The following STAT4 variants were observed in gnomAD, a reference collection of about 807,000 sequenced individuals.
STAT4 encodes signal transducer and activator of transcription 4.
Under a neutral mutation model 110.5 loss-of-function variants are expected in STAT4, and 42 were observed. That is an observed-to-expected ratio of 0.38 (90% CI 0.30 to 0.49). STAT4 has a LOEUF of 0.49. Among genes scored for constraint, STAT4 ranks in the 20% least tolerant of loss-of-function variants. The probability of loss-of-function intolerance (pLI) is 0.95; values close to 1 mark genes in which losing one functional copy is unlikely to be tolerated. For synonymous variants in STAT4, 284 were observed against 302.2 expected (o/e 0.94, Z 0.63); for missense variants, 632 against 887.9 (o/e 0.71, Z 3.66).
In STAT4 at chr2:191,110,978, G is replaced by T. The variant is rs1222380313; in HGVS notation, c.274-34653C>A. ...TTTCTGTATTTTTAGTAGAGACAAG[G>T]TTTCACCATGTTGCCCAGGCTGGTC... On this transcript the variant is annotated intron_variant, in intron 3 of 23. Coordinates refer to ENST00000392320, the MANE Select transcript of STAT4 (RefSeq NM_003151.4). The surrounding 1 kb of genome is among the most constrained non-coding windows in gnomAD (Gnocchi z 4.5). Among the ~76,000 whole-genome samples, 1 of 152,056 alleles carries T rather than the reference G, an allele frequency of 6.6e-6. No individual in the cohort carries two copies. The highest frequency in any genetic ancestry group is 1.5e-5 in the Non-Finnish European group (1 of 68,014).
intron 3 of STAT4, among the ~76,000 whole-genome samples, chr2:191,101,129 T>A (rs1344947682): frequency 1.3e-5 from 2 of 152,152 alleles, no homozygotes; most frequent in Non-Finnish European, 2.9e-5. Flanking sequence ...GTCAATTATA[T>A]TTTTCTCTGA....
intron 3 of STAT4, among the ~76,000 whole-genome samples, chr2:191,131,061 AC>A (rs1344199551): frequency 6.6e-6 from 1 of 151,822 alleles, no homozygotes; most frequent in South Asian, 2.1e-4. Flanking sequence ...ATGATCCATG[AC>A]CATAACAAGT....
rs1205627852 is a variant in STAT4, at chr2:191,058,106, C to T, written c.1118G>A (p.Arg373Gln). 1.2e-6 allele frequency: 2 copies of T among 1,613,770 alleles called. No homozygotes were observed. Among genetic ancestry groups the T allele is most frequent in the Non-Finnish European group, 1.7e-6 (2 of 1,179,912 alleles). The change falls in exon 13 of 24, where the codon CGA (arginine) becomes CAA (glutamine). Residue 373 changes from arginine to glutamine, a missense_variant. By Grantham distance (43) the Arg-to-Gln change is conservative. Around this residue, in one of 4 missense-constraint regions of STAT4, gnomAD observed 488 missense variants for 632.8 expected, o/e 0.77. Coordinates refer to ENST00000392320, the MANE Select transcript of STAT4 (RefSeq NM_003151.4). This position sits in a 1 kb window ranked among gnomAD's most constrained non-coding sequence, Gnocchi z 4.3. ...IDKNVSTLSNRRFVLCGTNVK... is the reference protein window; with the variant it reads ...IDKNVSTLSNQRFVLCGTNVK... Reference sequence around the variant, plus strand: ...ATTAGTTCCACAAAGTACAAATCTTCGGTTGCTGGAGAGGAAATCTTAGCT... The same window carrying T: ...ATTAGTTCCACAAAGTACAAATCTTTGGTTGCTGGAGAGGAAATCTTAGCT...
In STAT4 at chr2:191,069,681, AC is replaced by A; in HGVS notation, c.544+11del. On this transcript the variant is annotated intron_variant, in intron 6 of 23. Transcript: ENST00000392320. ...GTCTCTATGCATAATTATAGAAAAA[AC>A]AAAAACTTACCCATTGTCTGAATTG... 1 of 1,603,312 alleles carries A rather than the reference AC, an allele frequency of 6.2e-7. No homozygotes were observed. Among genetic ancestry groups the A allele is most frequent in the Non-Finnish European group, 8.5e-7 (1 of 1,175,606 alleles).
At position 191,077,525 on chromosome 2, in the gene STAT4, A is replaced by G. The variant is rs1559056550; in HGVS notation, c.274-1200T>C. ...TGGTGTGAATATATATGAAATGACCAAAAGGTTAGCAGCAGAAAAAATAAA... is the reference window on the plus strand; with the variant it reads ...TGGTGTGAATATATATGAAATGACCGAAAGGTTAGCAGCAGAAAAAATAAA... On this transcript the variant is annotated intron_variant, in intron 3 of 23. Transcript: ENST00000392320. The surrounding 1 kb of genome is among the most constrained non-coding windows in gnomAD (Gnocchi z 4.1). Among the ~76,000 whole-genome samples, 1 of 152,204 alleles carries G rather than the reference A, an allele frequency of 6.6e-6. No homozygotes were observed.
chr2:191,058,652 T>A lies in STAT4; in HGVS notation c.1094+58A>T. 9.8e-7 allele frequency: 1 copy of A among 1,024,768 alleles called. No individual in the cohort carries two copies. The highest frequency in any genetic ancestry group is 1.6e-5 in the African/African-American group (1 of 61,590). The allele number at this position is 1,024,768 out of a possible 1,614,324, so 63.5% of individuals were successfully genotyped here. On this transcript the variant is annotated intron_variant, in intron 11 of 23. Transcript: ENST00000392320. The surrounding 1 kb of genome is among the most constrained non-coding windows in gnomAD (Gnocchi z 4.3). ...AATTATTCTATAAAATAAAGGCCAT[T>A]CATTTTTAAAAGTCTTACATTTGGA...
chr2:191,058,314 T>C lies in STAT4; in HGVS notation c.1095-95A>G. 1 of 1,287,856 alleles carries C rather than the reference T, an allele frequency of 7.8e-7. No individual in the cohort carries two copies. The highest frequency in any genetic ancestry group is 1.4e-5 in the South Asian group (1 of 72,784). The allele number at this position is 1,287,856 out of a possible 1,614,324, so 79.8% of individuals were successfully genotyped here. On this transcript the variant is annotated intron_variant, in intron 11 of 23. Coordinates refer to ENST00000392320, the MANE Select transcript of STAT4 (RefSeq NM_003151.4). This position sits in a 1 kb window ranked among gnomAD's most constrained non-coding sequence, Gnocchi z 4.3. Reference sequence around the variant, plus strand: ...TATTTTATTTATTTATTTATTTATTTTGAGACAGAGTCTCGCTCTGTCGTC... The same window carrying C: ...TATTTTATTTATTTATTTATTTATTCTGAGACAGAGTCTCGCTCTGTCGTC...
At position 191,031,187 on chromosome 2, in the gene STAT4, C is replaced by T; in HGVS notation, c.2112-107G>A. On this transcript the variant is annotated intron_variant, in intron 22 of 23. Transcript: ENST00000392320. This position sits in a 1 kb window ranked among gnomAD's most constrained non-coding sequence, Gnocchi z 4.8. ...TTTCTAGGGCTTCATCTATTTGTGA[C>T]ATTGAGTTATCTAATTCATCATTTC... The T allele has an allele frequency of 8.5e-7, 1 of 1,169,932 alleles. No individual in the cohort carries two copies. Among genetic ancestry groups the T allele is most frequent in the Non-Finnish European group, 1.3e-6 (1 of 799,762 alleles). The allele number at this position is 1,169,932 out of a possible 1,614,324, so 72.5% of individuals were successfully genotyped here. A position where few individuals can be genotyped will look rare whatever the true frequency, so the allele number is the denominator to read the frequency against.
rs368682566 is a variant in STAT4, at chr2:191,061,335, G to T, written c.1034+394C>A. Among the ~76,000 whole-genome samples the T allele has an allele frequency of 3.9e-5, 6 of 152,144 alleles. No individual in the cohort carries two copies. Among genetic ancestry groups the T allele is most frequent in the African/African-American group, 1.4e-4 (6 of 41,522 alleles). ...GTCCCCAATCTGTCCTCTCAATTCT[G>T]TCTCTTCCCTGCTCCCCACGATTAC... On this transcript the variant is annotated intron_variant, in intron 10 of 23. Transcript: ENST00000392320. This position sits in a 1 kb window ranked among gnomAD's most constrained non-coding sequence, Gnocchi z 6.2.
At chr2:191,141,816 A>G (rs928208760) in intron 3 of STAT4, among the ~76,000 whole-genome samples, 2 of 151,820 alleles carry the variant, frequency 1.3e-5, no homozygotes, top group African/African-American at 2.4e-5. Flanking sequence ...TTGTTAGTAG[A>G]GACAGGGTTT....
At position 191,050,485 on chromosome 2, in the gene STAT4, T is replaced by A. The variant is rs1193928706; in HGVS notation, c.1251+4005A>T. The stretch of plus-strand genomic sequence containing the variant: ...TCCAAAGCAAATTCTTAAAGTTAAA[T>A]TCATTTTTAAAAATCTAAAGCTCCT... On this transcript the variant is annotated intron_variant, in intron 14 of 23. Transcript: ENST00000392320. This position sits in a 1 kb window ranked among gnomAD's most constrained non-coding sequence, Gnocchi z 4.3. 6.6e-6 allele frequency among the ~76,000 whole-genome samples: 1 copy of A among 152,220 alleles called. No homozygotes were observed. Among genetic ancestry groups the A allele is most frequent in the Non-Finnish European group, 1.5e-5 (1 of 68,032 alleles).
At chr2:191,097,711 C>A (rs190955331) in intron 3 of STAT4, among the ~76,000 whole-genome samples, 1 of 152,144 alleles carries the variant, frequency 6.6e-6, no homozygotes, top group Non-Finnish European at 1.5e-5. Context: ...TAGGCATGAG[C>A]AAGTACTTCA....
At position 191,030,862 on chromosome 2, in the gene STAT4, A is replaced by T; in HGVS notation, c.2220+110T>A. ...GTTATGCTCATGAATTTGTTCCAAT[A>T]AATGTGTTTTCTCCCTACCCAGGCA... On this transcript the variant is annotated intron_variant, in intron 23 of 23. Coordinates refer to ENST00000392320, the MANE Select transcript of STAT4 (RefSeq NM_003151.4). This position sits in a 1 kb window ranked among gnomAD's most constrained non-coding sequence, Gnocchi z 4.4. The T allele has an allele frequency of 1.1e-6, 1 of 949,494 alleles. No homozygotes were observed. The highest frequency in any genetic ancestry group is 1.7e-6 in the Non-Finnish European group (1 of 601,362). 58.8% of individuals were successfully genotyped at this position (949,494 alleles called of 1,614,324 possible).
rs1698399344 is a variant in STAT4, at chr2:191,110,664, A to T, written c.274-34339T>A. Among the ~76,000 whole-genome samples, 1 of 152,138 alleles carries T rather than the reference A, an allele frequency of 6.6e-6. No homozygotes were observed. The highest frequency in any genetic ancestry group is 1.9e-4 in the East Asian group (1 of 5,194). On this transcript the variant is annotated intron_variant, in intron 3 of 23. Transcript: ENST00000392320. This position sits in a 1 kb window ranked among gnomAD's most constrained non-coding sequence, Gnocchi z 4.5. ...GATGGGGAATTTATTGGCCACTTAT[A>T]ACTATATTGCCAAGGAGAAAATGCA...
intron 3 of STAT4, among the ~76,000 whole-genome samples, chr2:191,130,224 T>C (rs1266901999): frequency 2.4e-5 from 3 of 126,986 alleles, no homozygotes; most frequent in African/African-American, 8.5e-5. Flanking sequence ...ATCTCCCTTT[T>C]TTTTTTTTTT....
rs548185493 is a variant in STAT4 at position 191,061,900 on chromosome 2, C to T, written c.942-79G>A. 111 of 1,371,484 alleles carry T rather than the reference C, an allele frequency of 8.1e-5. No individual in the cohort carries two copies. The South Asian group carries it at 1.2e-3, about 15-fold the overall frequency. The allele number at this position is 1,371,484 out of a possible 1,614,324, so 85.0% of individuals were successfully genotyped here. A position where few individuals can be genotyped will look rare whatever the true frequency, so the allele number is the denominator to read the frequency against. ...CTGAAAACCACAGAGGAACAGGATGCTATCCACTCAAAGTCCAAATTTTCT... is the reference window on the plus strand; with the variant it reads ...CTGAAAACCACAGAGGAACAGGATGTTATCCACTCAAAGTCCAAATTTTCT... On this transcript the variant is annotated intron_variant, in intron 9 of 23. Transcript: ENST00000392320. The surrounding 1 kb of genome is among the most constrained non-coding windows in gnomAD (Gnocchi z 6.2).
chr2:191,138,107 C>T lies in STAT4; in HGVS notation c.273+8506G>A, dbSNP rs1380927304. On this transcript the variant is annotated intron_variant, in intron 3 of 23. Transcript: ENST00000392320. This position sits in a 1 kb window ranked among gnomAD's most constrained non-coding sequence, Gnocchi z 4.3. Reference sequence around the variant, plus strand: ...TGGGAGAAAATATTTGCAAACTATTCATCTGACAAAAGGCTAATATCCAGA... The same window carrying T: ...TGGGAGAAAATATTTGCAAACTATTTATCTGACAAAAGGCTAATATCCAGA... Among the ~76,000 whole-genome samples, 3 of 152,096 alleles carry T rather than the reference C, an allele frequency of 2.0e-5. No homozygotes were observed. Among genetic ancestry groups the T allele is most frequent in the Non-Finnish European group, 2.9e-5 (2 of 68,006 alleles).
rs1699173501 is a variant in STAT4, at chr2:191,136,024, C to CAAAAAAAAAAAAA, written c.273+10588_273+10589insTTTTTTTTTTTTT. ...ATCTCAGAAAAAAAAAAAAAAAAAC[C>CAAAAAAAAAAAAA]AAAAAACAAAAAACCAATGTGATCA... On this transcript the variant is annotated intron_variant, in intron 3 of 23. Coordinates refer to ENST00000392320, the MANE Select transcript of STAT4 (RefSeq NM_003151.4). Among the ~76,000 whole-genome samples, 13 of 43,716 alleles carry CAAAAAAAAAAAAA rather than the reference C, an allele frequency of 3.0e-4. 1 individual carries two copies. Among genetic ancestry groups the CAAAAAAAAAAAAA allele is most frequent in the African/African-American group, 7.7e-4 (12 of 15,514 alleles). The allele number at this position is 43,716 out of a possible 152,430, so 28.7% of individuals were successfully genotyped here.
intron 15 of STAT4, among the ~76,000 whole-genome samples, chr2:191,040,668 C>T (rs963839281): frequency 6.6e-6 from 1 of 152,032 alleles, no homozygotes; most frequent in African/African-American, 2.4e-5. Context: ...CTCAATCAAT[C>T]CTCCTGCCTC....
Sources: allele counts gnomAD v4.1 joint callset (sites outside exome capture counted in the v4.1 genomes callset), GRCh38; gene constraint gnomAD v4.1.1; regional missense constraint gnomAD v4.1.1; non-coding constraint Gnocchi (gnomAD v3.1); transcripts MANE v1.5; gene names NCBI Gene and HGNC (gene_info 2026-07-23, HGNC 2026-07-21).